CSMD1: variants seen among roughly 807,000 people sequenced by gnomAD.
CSMD1 encodes CUB and Sushi multiple domains 1, also known as CUB and sushi domain-containing protein 1.
A neutral mutation model predicts 417.5 loss-of-function variants in CSMD1; 213 were observed. That is an observed-to-expected ratio of 0.51 (90% CI 0.46 to 0.57). CSMD1 has a LOEUF of 0.57. Among genes scored for constraint, CSMD1 ranks in the 20% least tolerant of loss-of-function variants. The probability of loss-of-function intolerance (pLI) is 0.00; values close to 1 mark genes in which losing one functional copy is unlikely to be tolerated. For missense variants in CSMD1, 6,923 were observed against 4,529.7 expected, an observed-to-expected ratio of 1.53 and a Z score of -15.17; for synonymous variants, 2,862 against 1,736.8, an observed-to-expected ratio of 1.65 and a Z score of -16.11.
At chr8:3,818,854 G>A (rs1055410318) in intron 5 of CSMD1, among the ~76,000 whole-genome samples, 2 of 152,186 alleles carry the variant, frequency 1.3e-5, no homozygotes, top group East Asian at 1.9e-4. Flanking sequence ...TCCCTTGCAT[G>A]ATTTAACAGC....
chr8:4,342,156 C>G (rs921019684), intron 3 of CSMD1, among the ~76,000 whole-genome samples: 3 of 151,868 alleles, frequency 2.0e-5, no homozygotes, highest in Admixed American at 6.6e-5. Flanking sequence ...GACTGTCTAC[C>G]AAGCCACATT....
chr8:3,539,385 C>T (rs1798344390), intron 10 of CSMD1, among the ~76,000 whole-genome samples: 1 of 152,166 alleles, frequency 6.6e-6, no homozygotes, highest in Admixed American at 6.5e-5. Flanking sequence ...GAAGTATATA[C>T]ATATTATTTG....
At chr8:3,721,849 G>A (rs557053937) in intron 6 of CSMD1, among the ~76,000 whole-genome samples, 45 of 152,204 alleles carry the variant, frequency 3.0e-4, no homozygotes, top group South Asian at 1.5e-3. Flanking sequence ...TCTGAGAGGC[G>A]CTGTATGAAG....
intron 1 of CSMD1, among the ~76,000 whole-genome samples, chr8:4,928,186 G>A (rs1441592812): frequency 6.6e-6 from 1 of 152,210 alleles, no homozygotes; most frequent in Non-Finnish European, 1.5e-5. Context: ...GGCACTGCCT[G>A]GAGTGCCCGT....
chr8:4,760,285 G>A (rs1811957673), intron 1 of CSMD1, among the ~76,000 whole-genome samples: 2 of 152,232 alleles, frequency 1.3e-5, no homozygotes, highest in South Asian at 2.1e-4. Context: ...CCAGCCTTTG[G>A]CATGTGAAGA....
intron 5 of CSMD1, among the ~76,000 whole-genome samples, chr8:3,947,333 T>A (rs943928525): frequency 6.6e-6 from 1 of 152,208 alleles, no homozygotes; most frequent in African/African-American, 2.4e-5. Flanking sequence ...TGAATTACAA[T>A]GATTTTCAAG....
At position 4,742,000 on chromosome 8, in the gene CSMD1, C is replaced by CTTTTTTTTTTT. The variant is rs71209120; in HGVS notation, c.86-104453_86-104443dup. 2.7e-5 allele frequency among the ~76,000 whole-genome samples: 2 copies of CTTTTTTTTTTT among 73,726 alleles called. 1 individual carries two copies. Among genetic ancestry groups the CTTTTTTTTTTT allele is most frequent in the Non-Finnish European group, 5.4e-5 (2 of 37,162 alleles). The allele number at this position is 73,726 out of a possible 152,430, so 48.4% of individuals were successfully genotyped here. A position where few individuals can be genotyped will look rare whatever the true frequency, so the allele number is the denominator to read the frequency against. ...AGGTCCGCACGCACCACCACACCCA[C>CTTTTTTTTTTT]TTTTTTTTTTTTTTTTTTTTTTTTT... is the stretch of plus-strand genomic sequence containing the variant. On this transcript the variant is annotated intron_variant, in intron 1 of 69. Coordinates refer to ENST00000635120, the MANE Select transcript of CSMD1 (RefSeq NM_033225.6).
At chr8:4,014,739 C>G (rs1268370622) in intron 4 of CSMD1, among the ~76,000 whole-genome samples, 2 of 152,180 alleles carry the variant, frequency 1.3e-5, no homozygotes, top group South Asian at 2.1e-4. Flanking sequence ...CTTCGCATGA[C>G]TGCCCATCAC....
chr8:2,990,862 G>C (rs779136962), intron 54 of CSMD1, among the ~76,000 whole-genome samples: 1 of 152,188 alleles, frequency 6.6e-6, no homozygotes, highest in Non-Finnish European at 1.5e-5. Context: ...TTGAAACTTC[G>C]CATCTGTTAG....
chr8:4,273,988 G>A (rs1332658226), intron 3 of CSMD1, among the ~76,000 whole-genome samples: 1 of 152,138 alleles, frequency 6.6e-6, no homozygotes, highest in Non-Finnish European at 1.5e-5. Flanking sequence ...ATTGCTATCA[G>A]TGATAACCGC....
intron 1 of CSMD1, among the ~76,000 whole-genome samples, chr8:4,870,305 G>A (rs1369771125): frequency 1.3e-5 from 2 of 152,038 alleles, no homozygotes; most frequent in Non-Finnish European, 2.9e-5. Context: ...GGAACAGAAA[G>A]ACCCACATCA....
chr8:4,794,503 G>C (rs757950693), intron 1 of CSMD1, among the ~76,000 whole-genome samples: 3 of 152,034 alleles, frequency 2.0e-5, no homozygotes, highest in South Asian at 2.1e-4. Context: ...ACTGTGTTCT[G>C]TCCCCTGCTC....
At chr8:3,921,765 T>A (rs1809285982) in intron 5 of CSMD1, among the ~76,000 whole-genome samples, 1 of 152,194 alleles carries the variant, frequency 6.6e-6, no homozygotes, top group South Asian at 2.1e-4. Context: ...ATGAGTGCAA[T>A]CTTCTTTGAT....
At chr8:3,155,112 AG>A (rs1819436975) in intron 39 of CSMD1, among the ~76,000 whole-genome samples, 1 of 118,456 alleles carries the variant, frequency 8.4e-6, no homozygotes, top group African/African-American at 4.1e-5. Context: ...TGCAAATATA[AG>A]TTAATTCTTT....
intron 1 of CSMD1, among the ~76,000 whole-genome samples, chr8:4,962,554 A>T (rs1809576526): frequency 6.6e-6 from 1 of 152,124 alleles, no homozygotes; most frequent in Non-Finnish European, 1.5e-5. Context: ...ACATTTTCTG[A>T]TTAGTTTACT....
intron 3 of CSMD1, among the ~76,000 whole-genome samples, chr8:4,059,959 C>G (rs1798886108): frequency 6.6e-6 from 1 of 152,008 alleles, no homozygotes; most frequent in Non-Finnish European, 1.5e-5. Flanking sequence ...CAGCATCATC[C>G]TGATACCAAA....
chr8:3,145,049 G>GTGTGTGTGTC (rs1712649207), intron 40 of CSMD1, among the ~76,000 whole-genome samples: 1 of 152,048 alleles, frequency 6.6e-6, no homozygotes, highest in African/African-American at 2.4e-5. Context: ...AGAGTTGTGT[G>GTGTGTGTGTC]TGTGTGTGTG....
At chr8:4,246,503 A>C (rs917603446) in intron 3 of CSMD1, among the ~76,000 whole-genome samples, 2 of 152,160 alleles carry the variant, frequency 1.3e-5, no homozygotes, top group Admixed American at 6.5e-5. Context: ...TTTAAAGAAA[A>C]TTGTAAGACC....
chr8:3,423,506 A>T (rs937152970), intron 12 of CSMD1, among the ~76,000 whole-genome samples: 2 of 152,162 alleles, frequency 1.3e-5, no homozygotes, highest in Non-Finnish European at 2.9e-5. Context: ...CTGTATCAGT[A>T]GTTATGAACT....
Sources: gnomAD v4.1 joint callset for allele counts (sites outside exome capture counted in the v4.1 genomes callset) on GRCh38, gnomAD v4.1.1 for gene constraint, MANE v1.5 for transcripts, NCBI Gene and HGNC (gene_info 2026-07-23, HGNC 2026-07-21) for gene names.